TMCC3: variants seen among roughly 807,000 people sequenced by gnomAD.
TMCC3 encodes the protein transmembrane and coiled-coil domain protein 3.
In TMCC3, 28 loss-of-function variants were observed where a neutral mutation model predicts 40.2. The ratio of observed to expected loss-of-function variants is 0.70; its 90% CI spans 0.52 to 0.95. TMCC3 has a LOEUF of 0.95. Ranked by LOEUF, TMCC3 falls within the 40% of genes least tolerant of loss-of-function variation. The probability of loss-of-function intolerance (pLI) is 0.00; values close to 1 mark genes in which losing one functional copy is unlikely to be tolerated. For synonymous variants in TMCC3, 255 were observed against 248.5 expected, an observed-to-expected ratio of 1.03 and a Z score of -0.25; for missense variants, 554 against 615.2, an observed-to-expected ratio of 0.90 and a Z score of 1.05.
At chr12:94,606,772 A>G (rs1191343558) in intron 1 of TMCC3, among the ~76,000 whole-genome samples, 1 of 152,162 alleles carries the variant, frequency 6.6e-6, no homozygotes, top group African/African-American at 2.4e-5. Context: ...GTGTACGAAC[A>G]GGGCGTAGGT....
At position 94,578,407 on chromosome 12, in the gene TMCC3, G is replaced by A. The variant is rs779756372; in HGVS notation, c.1118C>T (p.Ser373Leu). ...AGGGAAAGGTACCTGGATGTCCCGC[G>A]AGCGCTCGTAGGCCTGGTAGGCCAC... The part of the protein sequence containing the change: ...EKVAYQAYER[S>L]RDIQEALESC... The change falls in exon 3 of 4, where the codon TCG becomes TTG. Residue 373 changes from serine to leucine, a missense_variant. Physicochemically the swap from Ser to Leu is moderately radical, Grantham distance 145 (BLOSUM62 -2). Transcript: ENST00000261226. 7 of 1,613,796 alleles carry A rather than the reference G, an allele frequency of 4.3e-6. No individual in the cohort carries two copies. The highest frequency in any genetic ancestry group is 3.3e-5 in the Admixed American group (2 of 59,968).
In TMCC3 at chr12:94,649,979, G is replaced by A. The variant is rs147029622; in HGVS notation, c.78+374C>T. Among the ~76,000 whole-genome samples, 55 of 152,300 alleles carry A rather than the reference G, an allele frequency of 3.6e-4. No homozygotes were observed. The East Asian group carries it at 5.2e-3, about 14-fold the overall frequency. On this transcript the variant is annotated intron_variant, in intron 1 of 3. Coordinates refer to ENST00000261226, the MANE Select transcript of TMCC3 (RefSeq NM_020698.4). ...GAGGGCACCGTCACACCCAGGGCGAGACCCCGGAGACCTGGAGACGCGGGG... is the reference window on the plus strand; with the variant it reads ...GAGGGCACCGTCACACCCAGGGCGAAACCCCGGAGACCTGGAGACGCGGGG...
At chr12:94,616,196 G>T (rs918846301) in intron 1 of TMCC3, 1 of 659,388 alleles carries the variant, frequency 1.5e-6, no homozygotes, top group Non-Finnish European at 1.9e-6. Context: ...GGCTCTTTGT[G>T]CAGTCAGCAG....
intron 1 of TMCC3, among the ~76,000 whole-genome samples, chr12:94,614,109 A>C (rs953623734): frequency 1.3e-5 from 2 of 151,610 alleles, no homozygotes; most frequent in Non-Finnish European, 2.9e-5. Context: ...AAAAAAAAAA[A>C]AAAAAAACTA....
At chr12:94,590,969 T>C in intron 1 of TMCC3, 1 of 568,840 alleles carries the variant, frequency 1.8e-6, no homozygotes, top group Non-Finnish European at 3.5e-6. Flanking sequence ...GATCAACATT[T>C]AAATATGATC....
chr12:94,641,554 C>T (rs988227178), intron 1 of TMCC3, among the ~76,000 whole-genome samples: 13 of 152,180 alleles, frequency 8.5e-5, no homozygotes, highest in Non-Finnish European at 1.9e-4. Context: ...GGACTCAAGT[C>T]CTGTCTTTCC....
At chr12:94,590,089 G>A (rs1436489110) in intron 1 of TMCC3, among the ~76,000 whole-genome samples, 1 of 113,242 alleles carries the variant, frequency 8.8e-6, no homozygotes, top group Non-Finnish European at 1.9e-5. Flanking sequence ...GTCTGATATA[G>A]TCTATAAAAT....
chr12:94,576,242 G>T (rs529859998), intron 3 of TMCC3, among the ~76,000 whole-genome samples: 3 of 152,234 alleles, frequency 2.0e-5, no homozygotes, highest in Non-Finnish European at 2.9e-5. Context: ...TTGGTTCCCA[G>T]AACTGTCCCA....
At chr12:94,641,898 T>G (rs114841107) in intron 1 of TMCC3, among the ~76,000 whole-genome samples, 4 of 151,478 alleles carry the variant, frequency 2.6e-5, no homozygotes, top group Non-Finnish European at 5.9e-5. Flanking sequence ...ATGAAGACAC[T>G]AAGAGGAACC....
chr12:94,569,600 G>T lies in TMCC3; in HGVS notation c.*1835C>A, dbSNP rs1202067921. On this transcript the variant is annotated 3_prime_UTR_variant, in exon 4 of 4. Coordinates refer to ENST00000261226, the MANE Select transcript of TMCC3 (RefSeq NM_020698.4). ...AGTCTGGAATTAGATAGTGGTGATG[G>T]TTGAACAAGTTTGTGAATTTACTAA... is the stretch of plus-strand genomic sequence containing the variant. 1.3e-5 allele frequency: 2 copies of T among 152,092 alleles called. No individual in the cohort carries two copies. Among genetic ancestry groups the T allele is most frequent in the Non-Finnish European group, 2.9e-5 (2 of 68,006 alleles). 9.4% of individuals were successfully genotyped at this position (152,092 alleles called of 1,614,324 possible). A position where few individuals can be genotyped will look rare whatever the true frequency, so the allele number is the denominator to read the frequency against.
intron 1 of TMCC3, among the ~76,000 whole-genome samples, chr12:94,600,402 T>C (rs2068745967): frequency 6.6e-6 from 1 of 152,100 alleles, no homozygotes; most frequent in South Asian, 2.1e-4. Flanking sequence ...GTTCTATTCC[T>C]TCCATCTAGT....
intron 1 of TMCC3, among the ~76,000 whole-genome samples, chr12:94,639,019 A>G (rs2068975237): frequency 6.6e-6 from 1 of 152,172 alleles, no homozygotes; most frequent in Admixed American, 6.6e-5. Flanking sequence ...TGTAACTCAA[A>G]TTTCTTCTCC....
At chr12:94,604,642 C>A (rs1352346082) in intron 1 of TMCC3, among the ~76,000 whole-genome samples, 41 of 116,034 alleles carry the variant, frequency 3.5e-4, no homozygotes, top group Non-Finnish European at 3.3e-4. Context: ...CCATCTCTAC[C>A]AAAAAAAAAA....
intron 1 of TMCC3, among the ~76,000 whole-genome samples, chr12:94,645,600 G>A (rs2069014036): frequency 6.6e-6 from 1 of 152,100 alleles, no homozygotes; most frequent in African/African-American, 2.4e-5. Context: ...ACCATGCCGA[G>A]CTAATTTTTT....
intron 3 of TMCC3, among the ~76,000 whole-genome samples, chr12:94,572,121 C>T (rs553924908): frequency 1.2e-3 from 179 of 147,852 alleles, no homozygotes; most frequent in Middle Eastern, 7.8e-3. Flanking sequence ...TGCCTCAGCC[C>T]CCCAAGTAGC....
intron 3 of TMCC3, among the ~76,000 whole-genome samples, chr12:94,572,405 G>C (rs966650986): frequency 7.1e-6 from 1 of 141,598 alleles, no homozygotes; most frequent in Non-Finnish European, 1.5e-5. Flanking sequence ...CTGCCTTCTG[G>C]GTTTAAGCAA....
intron 1 of TMCC3, chr12:94,609,936 TCC>T (rs2068805442): frequency 6.6e-6 from 1 of 152,020 alleles, no homozygotes; most frequent in Non-Finnish European, 1.5e-5. Context: ...TCCTCAGGGG[TCC>T]CTTTGGCCGG....
chr12:94,569,001 T>C lies in TMCC3; in HGVS notation c.*2434A>G, dbSNP rs1594259658. The C allele has an allele frequency of 6.6e-6, 1 of 152,226 alleles. No individual in the cohort carries two copies. Among genetic ancestry groups the C allele is most frequent in the Non-Finnish European group, 1.5e-5 (1 of 68,024 alleles). 9.4% of individuals were successfully genotyped at this position (152,226 alleles called of 1,614,324 possible). On this transcript the variant is annotated 3_prime_UTR_variant, in exon 4 of 4. Coordinates refer to ENST00000261226, the MANE Select transcript of TMCC3 (RefSeq NM_020698.4). ...TCTACTTCTGTCACTGGGGAGAAGA[T>C]ACACGGATCACAGGTCTGAGAAGTG...
intron 1 of TMCC3, among the ~76,000 whole-genome samples, chr12:94,615,192 T>C (rs2068841060): frequency 6.6e-6 from 1 of 152,220 alleles, no homozygotes; most frequent in Non-Finnish European, 1.5e-5. Flanking sequence ...AGAAGTCTTC[T>C]ATGACAAAGA....
Sources: gnomAD v4.1 joint callset for allele counts (sites outside exome capture counted in the v4.1 genomes callset) on GRCh38, gnomAD v4.1.1 for gene constraint, MANE v1.5 for transcripts, NCBI Gene and HGNC (gene_info 2026-07-23, HGNC 2026-07-21) for gene names.